The following KLF17 variants were observed in gnomAD, a reference collection of about 807,000 sequenced individuals.
The protein encoded by KLF17 is KLF transcription factor 17, also known as Krueppel-like factor 17.
In KLF17, 31 loss-of-function variants were observed where a neutral mutation model predicts 34.2. That is an observed-to-expected ratio of 0.91 (90% confidence interval 0.68 to 1.22). The LOEUF is 1.22. KLF17 is among the 50% of genes most tolerant of loss of function. KLF17 has a pLI of 0.00. For missense variants in KLF17, 478 were observed against 505.2 expected, an observed-to-expected ratio of 0.95 and a Z score of 0.52; for synonymous variants, 179 against 186.7, an observed-to-expected ratio of 0.96 and a Z score of 0.34.
At chr1:44,057,108 G>GA in the KLF17 span, among the ~76,000 whole-genome samples, 1 of 151,964 alleles carries the variant, frequency 6.6e-6, no homozygotes, top group Non-Finnish European at 1.5e-5. Flanking sequence ...TTACAGATGG[G>GA]AGTAGCTTTA....
At chr1:44,092,734 G>A in the KLF17 span, among the ~76,000 whole-genome samples, 1 of 151,394 alleles carries the variant, frequency 6.6e-6, no homozygotes, top group South Asian at 2.1e-4. Context: ...CTTTCGAGTA[G>A]CTGGGTACCC....
At chr1:44,131,163 T>C (rs1264330800) in intron 3 of KLF17, among the ~76,000 whole-genome samples, 1 of 152,124 alleles carries the variant, frequency 6.6e-6, no homozygotes, top group Admixed American at 6.6e-5. Flanking sequence ...GGTGTAGGAT[T>C]AGATGAAGAC....
the KLF17 span, among the ~76,000 whole-genome samples, chr1:44,075,862 A>G: frequency 5.9e-5 from 9 of 152,280 alleles, no homozygotes; most frequent in African/African-American, 2.2e-4. Context: ...TGTTTATGTG[A>G]TCTGGTTCTG....
At chr1:44,117,608 G>A (rs1166067273), upstream of KLF17, among the ~76,000 whole-genome samples, 1 of 151,958 alleles carries the variant, frequency 6.6e-6, no homozygotes, top group Non-Finnish European at 1.5e-5. Flanking sequence ...CGATTCTCCT[G>A]CCTCAGCCTC....
At position 44,133,739 on chromosome 1, in the gene KLF17, C is replaced by T. The variant is rs1213589906; in HGVS notation, c.*502C>T. 1 of 152,338 alleles carries T rather than the reference C, an allele frequency of 6.6e-6. No homozygotes were observed. Among genetic ancestry groups the T allele is most frequent in the Non-Finnish European group, 1.5e-5 (1 of 68,100 alleles). The allele number at this position is 152,338 out of a possible 1,614,324, so 9.4% of individuals were successfully genotyped here. A position where few individuals can be genotyped will look rare whatever the true frequency, so the allele number is the denominator to read the frequency against. The stretch of plus-strand genomic sequence containing the variant: ...CCTGCCCTCTCACCCCTACCCTGAC[C>T]TTGTCCTACTTCACTGCCTTTGTCT... On this transcript the variant is annotated 3_prime_UTR_variant, in exon 4 of 4. Coordinates refer to ENST00000372299, the MANE Select transcript of KLF17 (RefSeq NM_173484.4).
the KLF17 span, chr1:44,103,562 C>T: frequency 1.3e-6 from 2 of 1,528,558 alleles, no homozygotes; most frequent in Non-Finnish European, 9.0e-7. Flanking sequence ...GCATCCCAGA[C>T]TCCAGCCGGC....
At chr1:44,107,012 T>G in the KLF17 span, 1 of 151,946 alleles carries the variant, frequency 6.6e-6, no homozygotes, top group Non-Finnish European at 1.5e-5. Context: ...GGCTGTAGAG[T>G]GCAGAGATGA....
the KLF17 span, among the ~76,000 whole-genome samples, chr1:44,050,573 C>T: frequency 3.3e-5 from 5 of 152,184 alleles, no homozygotes; most frequent in African/African-American, 1.2e-4. Context: ...GGTAGCCCTG[C>T]TGTGCAGGAG....
the KLF17 span, among the ~76,000 whole-genome samples, chr1:44,113,376 T>G: frequency 0.061 from 9,272 of 152,228 alleles, 379 homozygotes; most frequent in East Asian, 0.16. Context: ...AAAAGAAGAT[T>G]CTTTTAAGCA....
chr1:44,067,061 G>A, the KLF17 span, among the ~76,000 whole-genome samples: 4 of 152,084 alleles, frequency 2.6e-5, no homozygotes, highest in Admixed American at 2.6e-4. Flanking sequence ...TAACTCTTGG[G>A]ATGAGTGTTG....
chr1:44,130,428 C>T, intron 2 of KLF17, 84 bp from the exon 3 acceptor site: 1 of 1,559,416 alleles, frequency 6.4e-7, no homozygotes, highest in Non-Finnish European at 8.8e-7. Context: ...TTTGAATCCT[C>T]AACCTGGACT....
At chr1:44,080,332 G>A in the KLF17 span, among the ~76,000 whole-genome samples, 7 of 141,426 alleles carry the variant, frequency 4.9e-5, no homozygotes, top group South Asian at 4.8e-4. Flanking sequence ...CCCGCCTCCC[G>A]GGTTCACACC....
rs185869189 is a variant in KLF17, at chr1:44,122,701, G to A, written c.81+3713G>A. ...CAACTTCTGCCTCCCAAATTCAAGC[G>A]ATTCTCATGCCTCAGCCTCCCGAGT... is the stretch of plus-strand genomic sequence containing the variant. On this transcript the variant is annotated intron_variant, in intron 1 of 3. Transcript: ENST00000372299. Among the ~76,000 whole-genome samples the A allele has an allele frequency of 4.6e-5, 7 of 152,092 alleles. No individual in the cohort carries two copies. The East Asian group carries it at 5.8e-4, about 13-fold the overall frequency.
At chr1:44,062,206 C>T in the KLF17 span, among the ~76,000 whole-genome samples, 1 of 152,204 alleles carries the variant, frequency 6.6e-6, no homozygotes, top group Non-Finnish European at 1.5e-5. Context: ...TGTTGTCAGT[C>T]TTTCTTTCCC....
At chr1:44,094,507 A>C in the KLF17 span, among the ~76,000 whole-genome samples, 1 of 151,882 alleles carries the variant, frequency 6.6e-6, no homozygotes, top group African/African-American at 2.4e-5. Flanking sequence ...ATCCATTTTG[A>C]TTTGATTTTT....
the KLF17 span, among the ~76,000 whole-genome samples, chr1:44,101,890 C>A: frequency 0.33 from 49,315 of 151,546 alleles, 8,153 homozygotes; most frequent in South Asian, 0.38. Context: ...AACAAACAAA[C>A]AAAACCCACA....
the KLF17 span, among the ~76,000 whole-genome samples, chr1:44,082,545 G>T: frequency 6.6e-6 from 1 of 152,140 alleles, no homozygotes; most frequent in African/African-American, 2.4e-5. Context: ...GAGGGACATT[G>T]GTATCATGGG....
the KLF17 span, among the ~76,000 whole-genome samples, chr1:44,046,607 A>G: frequency 6.6e-6 from 1 of 151,930 alleles, no homozygotes; most frequent in Non-Finnish European, 1.5e-5. Context: ...AGTAGATACT[A>G]TATGTTCTTC....
chr1:44,120,930 A>G (rs2087937998), intron 1 of KLF17, among the ~76,000 whole-genome samples: 1 of 152,174 alleles, frequency 6.6e-6, no homozygotes, highest in South Asian at 2.1e-4. Context: ...GCTGTGGTCC[A>G]CAACGATCAC....
Sources: allele counts gnomAD v4.1 joint callset (sites outside exome capture counted in the v4.1 genomes callset), GRCh38; gene constraint gnomAD v4.1.1; transcripts MANE v1.5; gene names NCBI Gene and HGNC (gene_info 2026-07-23, HGNC 2026-07-21).